The following MCC variants were observed in gnomAD, a reference collection of about 807,000 sequenced individuals.
The protein encoded by MCC is colorectal mutant cancer protein.
MCC carries 90 observed loss-of-function variants against 116.2 expected under a neutral mutation model. The observed-to-expected ratio is 0.77, with a 90% CI of 0.65 to 0.92. The LOEUF (loss-of-function observed/expected upper bound fraction) is 0.92, where lower values mean the gene tolerates loss of function less well. Ranked by LOEUF, MCC falls within the 40% of genes least tolerant of loss-of-function variation. The pLI, the probability that MCC is intolerant of heterozygous loss-of-function variation, is 0.00. For synonymous variants in MCC, 578 were observed against 510.5 expected, an observed-to-expected ratio of 1.13 and a Z score of -1.78; for missense variants, 1,516 against 1,312.2, an observed-to-expected ratio of 1.16 and a Z score of -2.40.
chr5:113,267,995 T>C (rs1000301154), intron 3 of MCC, among the ~76,000 whole-genome samples: 2 of 152,158 alleles, frequency 1.3e-5, no homozygotes, highest in Non-Finnish European at 2.9e-5. Flanking sequence ...AAACCAGCTA[T>C]ATCTTCAACT....
At chr5:113,171,693 T>C (rs7730638) in intron 3 of MCC, among the ~76,000 whole-genome samples, 1 of 151,960 alleles carries the variant, frequency 6.6e-6, no homozygotes, top group Non-Finnish European at 1.5e-5. Context: ...AACATCTAAT[T>C]GGTGGCTCTG....
intron 3 of MCC, among the ~76,000 whole-genome samples, chr5:113,202,849 C>A (rs940115285): frequency 6.6e-6 from 1 of 151,244 alleles, no homozygotes; most frequent in South Asian, 2.1e-4. Context: ...AACTTTATGG[C>A]GTCCGTGTTA....
chr5:113,209,577 T>C (rs929326843), intron 3 of MCC, among the ~76,000 whole-genome samples: 2 of 152,206 alleles, frequency 1.3e-5, no homozygotes, highest in Non-Finnish European at 2.9e-5. Context: ...AGACCCAGTA[T>C]AGGAATTTCT....
intron 17 of MCC, among the ~76,000 whole-genome samples, chr5:113,042,474 C>CAAAAAA (rs5870523): frequency 1.5e-5 from 1 of 68,468 alleles, no homozygotes; most frequent in African/African-American, 5.9e-5. Context: ...GACCCTCTCT[C>CAAAAAA]AAAAAAAAAA....
chr5:113,296,885 C>G (rs1245955937), intron 3 of MCC, among the ~76,000 whole-genome samples: 1 of 151,992 alleles, frequency 6.6e-6, no homozygotes, highest in African/African-American at 2.4e-5. Context: ...ACCCCTAAAA[C>G]CAAGCAGATG....
chr5:113,258,696 T>A (rs1341767785), intron 3 of MCC, among the ~76,000 whole-genome samples: 2 of 152,198 alleles, frequency 1.3e-5, no homozygotes, highest in African/African-American at 2.4e-5. Context: ...TTAGGAGAAC[T>A]GAGGTGAGGG....
intron 3 of MCC, among the ~76,000 whole-genome samples, chr5:113,268,592 T>A (rs376777853): frequency 9.9e-5 from 15 of 152,220 alleles, no homozygotes; most frequent in African/African-American, 3.4e-4. Context: ...TGCCCCTCCA[T>A]CCACTAGGCC....
intron 3 of MCC, among the ~76,000 whole-genome samples, chr5:113,298,423 A>C (rs1158263125): frequency 1.3e-5 from 2 of 152,212 alleles, no homozygotes. Context: ...AGGAGAAAGA[A>C]GGCAGATAAA....
chr5:113,316,177 AC>A (rs1217479135), intron 3 of MCC, among the ~76,000 whole-genome samples: 2 of 149,722 alleles, frequency 1.3e-5, no homozygotes, highest in African/African-American at 4.9e-5. Flanking sequence ...AATCGCTTGA[AC>A]CCAGGAGGCA....
At chr5:113,127,545 T>C (rs1217865883) in intron 5 of MCC, among the ~76,000 whole-genome samples, 1 of 152,238 alleles carries the variant, frequency 6.6e-6, no homozygotes, top group African/African-American at 2.4e-5. Context: ...GTAGCCATTC[T>C]GACTGGTGTG....
At chr5:113,422,102 G>T (rs534338674) in intron 1 of MCC, among the ~76,000 whole-genome samples, 1 of 152,198 alleles carries the variant, frequency 6.6e-6, no homozygotes, top group Non-Finnish European at 1.5e-5. Context: ...GTTGGTGAAG[G>T]TTTAACAATA....
At chr5:113,459,873 T>C (rs1771698485) in intron 1 of MCC, among the ~76,000 whole-genome samples, 1 of 141,382 alleles carries the variant, frequency 7.1e-6, no homozygotes, top group African/African-American at 2.6e-5. Context: ...TGCATACATA[T>C]GTGCACACCT....
chr5:113,145,490 C>T (rs1472270743), intron 4 of MCC, among the ~76,000 whole-genome samples: 2 of 152,100 alleles, frequency 1.3e-5, no homozygotes, highest in African/African-American at 2.4e-5. Flanking sequence ...GATGTCCTTA[C>T]AGGTCAACAG....
At chr5:113,272,383 G>A (rs892712409) in intron 3 of MCC, among the ~76,000 whole-genome samples, 2 of 152,030 alleles carry the variant, frequency 1.3e-5, no homozygotes, top group South Asian at 2.1e-4. Context: ...TAATCTCAGA[G>A]GAGCCTGCAA....
intron 16 of MCC, among the ~76,000 whole-genome samples, chr5:113,047,452 TGGA>T (rs1400970498): frequency 6.6e-6 from 1 of 151,760 alleles, no homozygotes; most frequent in Non-Finnish European, 1.5e-5. Flanking sequence ...AAGTGGGAGG[TGGA>T]GAAGGGTGTA....
At chr5:113,399,997 C>T (rs993387523) in intron 1 of MCC, 1 of 151,412 alleles carries the variant, frequency 6.6e-6, no homozygotes, top group Non-Finnish European at 1.5e-5. Flanking sequence ...CATCTGCAAA[C>T]AAGTGAAGTA....
At chr5:113,094,883 G>T (rs1755911536) in intron 8 of MCC, among the ~76,000 whole-genome samples, 1 of 152,164 alleles carries the variant, frequency 6.6e-6, no homozygotes, top group Non-Finnish European at 1.5e-5. Context: ...CAATCTCCGT[G>T]GCTCAAGTGT....
At chr5:113,097,336 T>C (rs1004276114) in intron 8 of MCC, among the ~76,000 whole-genome samples, 2 of 152,224 alleles carry the variant, frequency 1.3e-5, no homozygotes, top group African/African-American at 4.8e-5. Context: ...TACTTCTGCA[T>C]ATTAAAAATT....
At chr5:113,482,772 A>AT (rs1316032806) in intron 1 of MCC, among the ~76,000 whole-genome samples, 5 of 152,070 alleles carry the variant, frequency 3.3e-5, no homozygotes, top group Non-Finnish European at 7.4e-5. Flanking sequence ...TAATTTAACA[A>AT]TTTTTTCTTT....
Sources: gnomAD v4.1 joint callset for allele counts (sites outside exome capture counted in the v4.1 genomes callset) on GRCh38, gnomAD v4.1.1 for gene constraint, MANE v1.5 for transcripts, NCBI Gene and HGNC (gene_info 2026-07-23, HGNC 2026-07-21) for gene names.